DNAJA2: variants seen among roughly 807,000 people sequenced by gnomAD.
DNAJA2 encodes the protein dnaJ homolog subfamily A member 2.
A neutral mutation model predicts 49.3 loss-of-function variants in DNAJA2; 6 were observed. The observed-to-expected ratio is 0.12, with a 90% confidence interval of 0.07 to 0.24. The LOEUF is 0.24. Ranked by LOEUF, DNAJA2 falls within the 10% of genes least tolerant of loss-of-function variation. DNAJA2 has a pLI of 1.00. For missense variants in DNAJA2, 347 were observed against 516.8 expected (o/e 0.67, Z 3.19); for synonymous variants, 160 against 172.7 (o/e 0.93, Z 0.58).
At position 46,964,658 on chromosome 16, in the gene DNAJA2, C is replaced by A; in HGVS notation, c.727G>T (p.Val243Leu). ...FTGEADQAPGVEPGDIVLLLQ... is the reference protein window; with the variant it reads ...FTGEADQAPGLEPGDIVLLLQ... ...AAAAGAACAATGTCTCCGGGTTCCACTCCTGGGGCCTGGTCTGCTTCCCCA... is the reference window on the plus strand; with the variant it reads ...AAAAGAACAATGTCTCCGGGTTCCAATCCTGGGGCCTGGTCTGCTTCCCCA... The change falls in exon 6 of 9, where the codon GTG (valine) becomes TTG (leucine). Residue 243 changes from valine to leucine, a missense_variant. Val to Leu is a conservative substitution (Grantham distance 32). Coordinates refer to ENST00000317089, the MANE Select transcript of DNAJA2 (RefSeq NM_005880.4). 1 of 1,613,916 alleles carries A rather than the reference C, an allele frequency of 6.2e-7. No homozygotes were observed. The highest frequency in any genetic ancestry group is 8.5e-7 in the Non-Finnish European group (1 of 1,179,982).
rs1567354470 is a variant in DNAJA2 at position 46,968,079 on chromosome 16, C to T, written c.443+5G>A. ...TGTACCCAATAAACCAGAAGACACA[C>T]TTACCCACTGCATGCACTACAGAGC... On this transcript the variant is annotated splice_donor_5th_base_variant and intron_variant, in intron 4 of 8. Transcript: ENST00000317089. 6.3e-7 allele frequency: 1 copy of T among 1,598,414 alleles called. No homozygotes were observed. The highest frequency in any genetic ancestry group is 8.5e-7 in the Non-Finnish European group (1 of 1,174,474).
At chr16:46,959,837 CAT>C (rs1961870000) in intron 6 of DNAJA2, among the ~76,000 whole-genome samples, 1 of 152,334 alleles carries the variant, frequency 6.6e-6, no homozygotes, top group South Asian at 2.1e-4. Flanking sequence ...CCAAGATCAA[CAT>C]AAAACCCAAC....
At chr16:46,966,179 CGA>C (rs1391031600) in intron 5 of DNAJA2, among the ~76,000 whole-genome samples, 1 of 151,978 alleles carries the variant, frequency 6.6e-6, no homozygotes, top group African/African-American at 2.4e-5. Context: ...TGCGGTGAGC[CGA>C]GAGTGTGCCA....
At chr16:46,958,906 T>G (rs931081566) in intron 8 of DNAJA2, 97 bp downstream of exon 8, 2 of 1,393,224 alleles carry the variant, frequency 1.4e-6, no homozygotes, top group African/African-American at 2.9e-5. Flanking sequence ...ATCACACCAC[T>G]ACACCCCAGC....
chr16:46,973,490 G>A lies in DNAJA2; in HGVS notation c.78+5C>T. 1 of 1,599,652 alleles carries A rather than the reference G, an allele frequency of 6.3e-7. No homozygotes were observed. The highest frequency in any genetic ancestry group is 1.1e-5 in the South Asian group (1 of 89,506). ...CTCACACCCGCCCGGCCCGCTCCCA[G>A]ATACCTTCTTCAGCTCGTTCTCGCT... On this transcript the variant is annotated splice_donor_5th_base_variant and intron_variant, in intron 1 of 8. Coordinates refer to ENST00000317089, the MANE Select transcript of DNAJA2 (RefSeq NM_005880.4).
At chr16:46,971,634 T>C in intron 2 of DNAJA2, 62 bp from the exon 3 acceptor site, 1 of 738,158 alleles carries the variant, frequency 1.4e-6, no homozygotes. Context: ...GGGGAGAAGC[T>C]ACAGGAATCC....
intron 6 of DNAJA2, among the ~76,000 whole-genome samples, chr16:46,960,737 C>T (rs550074090): frequency 2.0e-5 from 3 of 152,022 alleles, no homozygotes; most frequent in African/African-American, 7.2e-5. Context: ...CAAGATCACA[C>T]CACTGCACTC....
At chr16:46,966,084 C>T (rs906074093) in intron 5 of DNAJA2, among the ~76,000 whole-genome samples, 2 of 151,902 alleles carry the variant, frequency 1.3e-5, no homozygotes, top group Non-Finnish European at 2.9e-5. Context: ...ATTAGCTGGG[C>T]GTGGTGGCAA....
chr16:46,967,706 GAC>G, intron 4 of DNAJA2, 60 bp from the exon 5 acceptor site: 1 of 1,603,516 alleles, frequency 6.2e-7, no homozygotes, highest in East Asian at 2.2e-5. Context: ...AATAAGCTAT[GAC>G]ACACAGAAAT....
chr16:46,973,141 G>C (rs1168962993), intron 1 of DNAJA2, among the ~76,000 whole-genome samples: 1 of 152,172 alleles, frequency 6.6e-6, no homozygotes, highest in African/African-American at 2.4e-5. Flanking sequence ...CTGTTTTTCC[G>C]GGGTGGTGAC....
rs1208266532 is a variant in DNAJA2 at position 46,964,607 on chromosome 16, T to C, written c.774+4A>G. On this transcript the variant is annotated splice_donor_region_variant and intron_variant, in intron 6 of 8. Transcript: ENST00000317089. ...ATACAAAAAACTAAAAAAAGGAAAA[T>C]CACCTCATGTTCTTTCTCCTGTAGC... 3.8e-6 allele frequency: 6 copies of C among 1,580,536 alleles called. No homozygotes were observed. Among genetic ancestry groups the C allele is most frequent in the Middle Eastern group, 1.7e-4 (1 of 5,892 alleles).
At chr16:46,960,087 T>C (rs1345763189) in intron 6 of DNAJA2, among the ~76,000 whole-genome samples, 1 of 152,240 alleles carries the variant, frequency 6.6e-6, no homozygotes, top group Non-Finnish European at 1.5e-5. Context: ...AATTTTTGCT[T>C]AGATTTTACA....
intron 6 of DNAJA2, among the ~76,000 whole-genome samples, chr16:46,964,369 A>G (rs1961939860): frequency 6.6e-6 from 1 of 152,132 alleles, no homozygotes; most frequent in African/African-American, 2.4e-5. Context: ...TGAAACTCCA[A>G]CTGAGGGGCA....
intron 6 of DNAJA2, among the ~76,000 whole-genome samples, chr16:46,962,819 T>C (rs1394057858): frequency 1.3e-5 from 2 of 152,190 alleles, no homozygotes; most frequent in Non-Finnish European, 1.5e-5. Context: ...TGCTGAGTCA[T>C]GAAAGCTGAC....
chr16:46,973,458 C>T, intron 1 of DNAJA2, 37 bp downstream of exon 1: 1 of 1,565,208 alleles, frequency 6.4e-7, no homozygotes, highest in Non-Finnish European at 8.6e-7. Flanking sequence ...GCGCAGGCCC[C>T]GCGCCCCTCA....
chr16:46,960,930 C>G (rs1390386915), intron 6 of DNAJA2, among the ~76,000 whole-genome samples: 2 of 152,044 alleles, frequency 1.3e-5, no homozygotes, highest in African/African-American at 4.8e-5. Flanking sequence ...GGATTTGGAG[C>G]CTGCAGGGGC....
chr16:46,960,583 A>G (rs1435441301), intron 6 of DNAJA2, among the ~76,000 whole-genome samples: 2 of 152,096 alleles, frequency 1.3e-5, no homozygotes, highest in East Asian at 3.9e-4. Context: ...GTTCAAGACC[A>G]GCCTGGCCAA....
In DNAJA2 at chr16:46,955,862, TTTGC is replaced by T. The variant is rs1490492344; in HGVS notation, c.*1163_*1166del. 3 of 152,178 alleles carry T rather than the reference TTTGC, an allele frequency of 2.0e-5. No homozygotes were observed. Among genetic ancestry groups the T allele is most frequent in the Non-Finnish European group, 4.4e-5 (3 of 68,036 alleles). The allele number at this position is 152,178 out of a possible 1,614,324, so 9.4% of individuals were successfully genotyped here. A position where few individuals can be genotyped will look rare whatever the true frequency, so the allele number is the denominator to read the frequency against. Reference sequence around the variant, plus strand: ...ATTTTTCTCAAACCAGCCTTTTTTTTTTGCTTATTTTTAGTTTGAAATATAAATA... The same window carrying T: ...ATTTTTCTCAAACCAGCCTTTTTTTTTTATTTTTAGTTTGAAATATAAATA... On this transcript the variant is annotated 3_prime_UTR_variant, in exon 9 of 9. Transcript: ENST00000317089.
chr16:46,956,940 T>C lies in DNAJA2; in HGVS notation c.*89A>G. 2.1e-6 allele frequency: 3 copies of C among 1,437,344 alleles called. No homozygotes were observed. Among genetic ancestry groups the C allele is most frequent in the Non-Finnish European group, 2.0e-6 (2 of 1,021,592 alleles). The allele number at this position is 1,437,344 out of a possible 1,614,324, so 89.0% of individuals were successfully genotyped here. ...ACCAACAGATGTCCCTCAGTTCATC[T>C]GGATTGATAAGACACTCCAGCTGGA... On this transcript the variant is annotated 3_prime_UTR_variant, in exon 9 of 9. Coordinates refer to ENST00000317089, the MANE Select transcript of DNAJA2 (RefSeq NM_005880.4).
Sources: gnomAD v4.1 joint callset for allele counts (sites outside exome capture counted in the v4.1 genomes callset) on GRCh38, gnomAD v4.1.1 for gene constraint, MANE v1.5 for transcripts, NCBI Gene and HGNC (gene_info 2026-07-23, HGNC 2026-07-21) for gene names.